Variants in RYR2 observed in about 807,000 individuals in gnomAD.
RYR2 encodes cardiac muscle ryanodine receptor-calcium release channel.
Under a neutral mutation model 601.1 loss-of-function variants are expected in RYR2, and 227 were observed. The ratio of observed to expected loss-of-function variants is 0.38; its 90% CI spans 0.34 to 0.42. The LOEUF is 0.42. RYR2 is among the 10% of genes least tolerant of loss of function. The pLI, the probability that RYR2 is intolerant of heterozygous loss-of-function variation, is 1.00. For missense variants in RYR2, 4,646 were observed against 6,156.5 expected (o/e 0.75, Z 8.21); for synonymous variants, 2,223 against 2,175.1 (o/e 1.02, Z -0.61).
intron 12 of RYR2, among the ~76,000 whole-genome samples, chr1:237,425,112 G>A (rs966970668): frequency 3.3e-5 from 5 of 152,050 alleles, no homozygotes; most frequent in African/African-American, 1.2e-4. Context: ...GTTTTTTAGT[G>A]CTTTAATCAT....
intron 35 of RYR2, among the ~76,000 whole-genome samples, chr1:237,602,702 G>A (rs1469052030): frequency 6.6e-6 from 1 of 152,206 alleles, no homozygotes; most frequent in East Asian, 1.9e-4. Flanking sequence ...TGTGGCTGGA[G>A]ATTAAGATGG....
At chr1:237,344,514 A>G (rs1275428694) in intron 3 of RYR2, among the ~76,000 whole-genome samples, 10 of 152,180 alleles carry the variant, frequency 6.6e-5, no homozygotes, top group Non-Finnish European at 1.5e-4. Context: ...TCAACCTAGA[A>G]TTCTGAGCCT....
At chr1:237,699,138 A>C in intron 64 of RYR2, 113 bp downstream of exon 64, 2 of 543,354 alleles carry the variant, frequency 3.7e-6, no homozygotes, top group South Asian at 3.3e-5. Flanking sequence ...ATTTGTAATA[A>C]AGTCTTTAGT....
At chr1:237,586,129 T>C (rs901246541) in intron 29 of RYR2, among the ~76,000 whole-genome samples, 1 of 152,198 alleles carries the variant, frequency 6.6e-6, no homozygotes, top group African/African-American at 2.4e-5. Flanking sequence ...AAATCAACTT[T>C]TTGTTTTGAG....
intron 1 of RYR2, among the ~76,000 whole-genome samples, chr1:237,261,707 G>A (rs1453125864): frequency 6.6e-6 from 1 of 152,096 alleles, no homozygotes; most frequent in Non-Finnish European, 1.5e-5. Context: ...ACCAGCCTGG[G>A]CAACATGGCG....
At chr1:237,267,604 G>A in intron 1 of RYR2, 1 of 326,070 alleles carries the variant, frequency 3.1e-6, no homozygotes, top group Non-Finnish European at 6.4e-6. Flanking sequence ...CCCTTTCTGG[G>A]CCCTAGATCC....
At chr1:237,645,323 C>T (rs547922931) in intron 48 of RYR2, among the ~76,000 whole-genome samples, 3 of 152,300 alleles carry the variant, frequency 2.0e-5, no homozygotes, top group Non-Finnish European at 4.4e-5. Context: ...AAAAATCTTC[C>T]CCGCCTTTGG....
At chr1:237,718,662 C>T (rs1452006331) in intron 73 of RYR2, 141 bp downstream of exon 73, 2 of 424,068 alleles carry the variant, frequency 4.7e-6, no homozygotes, top group Admixed American at 4.3e-5. Flanking sequence ...ACTTGCAAAG[C>T]CTTTTGTATT....
At chr1:237,284,695 C>CACACACAA (rs1691342121) in intron 2 of RYR2, among the ~76,000 whole-genome samples, 1 of 149,792 alleles carries the variant, frequency 6.7e-6, no homozygotes, top group Non-Finnish European at 1.5e-5. Flanking sequence ...CACACACACA[C>CACACACAA]ACCCATAAAC....
chr1:237,500,951 A>G (rs1386884138), intron 21 of RYR2, 48 bp downstream of exon 21: 3 of 1,535,954 alleles, frequency 2.0e-6, no homozygotes, highest in South Asian at 1.1e-5. Context: ...CATTTCTCAT[A>G]CCTCCACAGA....
rs193099089 is a variant in RYR2 at position 237,766,290 on chromosome 1, C to T, written c.11477-4517C>T. On this transcript the variant is annotated intron_variant, in intron 84 of 104. Transcript: ENST00000366574. ...GATCCACCTAGAATTGAGTTCCTAACGTTTATTGTTCAAATAATGCTTCTG... is the reference window on the plus strand; with the variant it reads ...GATCCACCTAGAATTGAGTTCCTAATGTTTATTGTTCAAATAATGCTTCTG... Among the ~76,000 whole-genome samples the T allele has an allele frequency of 9.2e-5, 14 of 152,228 alleles. No individual in the cohort carries two copies. In the East Asian group the frequency reaches 1.9e-3, roughly 21 times the overall value.
At chr1:237,776,986 A>C (rs1694716553) in intron 87 of RYR2, among the ~76,000 whole-genome samples, 1 of 152,172 alleles carries the variant, frequency 6.6e-6, no homozygotes, top group South Asian at 2.1e-4. Flanking sequence ...CCCCTTCCTG[A>C]GTAGTCCATA....
chr1:237,501,017 A>C, intron 21 of RYR2, 114 bp downstream of exon 21: 1 of 1,025,224 alleles, frequency 9.8e-7, no homozygotes, highest in South Asian at 1.4e-5. Flanking sequence ...TCTCCTGGGC[A>C]CCTGTCCTCT....
intron 58 of RYR2, among the ~76,000 whole-genome samples, chr1:237,670,677 C>A (rs978748801): frequency 3.9e-5 from 6 of 152,052 alleles, no homozygotes; most frequent in Non-Finnish European, 7.4e-5. Flanking sequence ...AAATAATAAG[C>A]AGCTATCTTA....
intron 1 of RYR2, among the ~76,000 whole-genome samples, chr1:237,124,835 T>G (rs1430667699): frequency 4.6e-5 from 7 of 152,206 alleles, no homozygotes; most frequent in Non-Finnish European, 5.9e-5. Flanking sequence ...TCCCCACCTT[T>G]TCCCCCTGGC....
At chr1:237,551,806 C>T (rs978107198) in intron 27 of RYR2, among the ~76,000 whole-genome samples, 1 of 152,096 alleles carries the variant, frequency 6.6e-6, no homozygotes, top group Admixed American at 6.5e-5. Flanking sequence ...GTAAGTGTTT[C>T]TAAGACTTTT....
intron 4 of RYR2, among the ~76,000 whole-genome samples, chr1:237,356,495 C>A (rs1479575421): frequency 6.6e-6 from 1 of 151,204 alleles, no homozygotes; most frequent in African/African-American, 2.4e-5. Flanking sequence ...AACTCCTGGA[C>A]TCAAGTGATC....
rs1257447624 is a variant in RYR2 at position 237,148,528 on chromosome 1, A to T, written c.48+105959A>T. On this transcript the variant is annotated intron_variant, in intron 1 of 104. Coordinates refer to ENST00000366574, the MANE Select transcript of RYR2 (RefSeq NM_001035.3). ...CAGAACTTCAAGTAAAAAAAAAAAA[A>T]TATATATATATATATATATATATAT... Among the ~76,000 whole-genome samples the T allele has an allele frequency of 2.8e-3, 213 of 76,924 alleles. 2 individuals carry two copies. Among genetic ancestry groups the T allele is most frequent in the African/African-American group, 9.9e-3 (207 of 20,972 alleles). The allele number at this position is 76,924 out of a possible 152,430, so 50.5% of individuals were successfully genotyped here. A position where few individuals can be genotyped will look rare whatever the true frequency, so the allele number is the denominator to read the frequency against.
intron 29 of RYR2, among the ~76,000 whole-genome samples, chr1:237,569,828 A>C (rs1672476640): frequency 6.6e-6 from 1 of 152,298 alleles, no homozygotes; most frequent in Admixed American, 6.5e-5. Flanking sequence ...CTAAGTTCTA[A>C]GACAGAAAAA....
Sources: allele counts gnomAD v4.1 joint callset (sites outside exome capture counted in the v4.1 genomes callset), GRCh38; gene constraint gnomAD v4.1.1; transcripts MANE v1.5; gene names NCBI Gene and HGNC (gene_info 2026-07-23, HGNC 2026-07-21).